ICOS: variants seen among roughly 807,000 people sequenced by gnomAD.
ICOS encodes inducible T cell costimulator.
ICOS carries 15 observed loss-of-function variants against 24.6 expected under a neutral mutation model. That is an observed-to-expected ratio of 0.61 (90% confidence interval 0.41 to 0.94). The LOEUF is 0.94. Ranked by LOEUF, ICOS falls within the 40% of genes least tolerant of loss-of-function variation. The pLI is 0.00. For missense variants in ICOS, 200 were observed against 233.0 expected (o/e 0.86, Z 0.92); for synonymous variants, 89 against 77.5 (o/e 1.15, Z -0.78).
At chr2:203,943,812 T>C (rs561367234) in intron 1 of ICOS, among the ~76,000 whole-genome samples, 5 of 152,184 alleles carry the variant, frequency 3.3e-5, no homozygotes, top group Non-Finnish European at 4.4e-5. Context: ...GGGCAGGTCT[T>C]GCTGTGGCTG....
At position 203,961,468 on chromosome 2, in the gene ICOS, A is replaced by C. The variant is rs931854904; in HGVS notation, c.*1869A>C. ...GACACCTCAAGATGAATAATAATTC[A>C]CAAAATTTCTGTGAAATCAAATCCA... On this transcript the variant is annotated 3_prime_UTR_variant, in exon 5 of 5. Transcript: ENST00000316386. 1.0e-4 allele frequency: 16 copies of C among 155,490 alleles called. No individual in the cohort carries two copies. The highest frequency in any genetic ancestry group is 3.8e-4 in the African/African-American group (16 of 41,562). The allele number at this position is 155,490 out of a possible 1,614,324, so 9.6% of individuals were successfully genotyped here.
chr2:203,937,476 T>C (rs1029887698), intron 1 of ICOS, among the ~76,000 whole-genome samples: 1 of 152,148 alleles, frequency 6.6e-6, no homozygotes, highest in African/African-American at 2.4e-5. Flanking sequence ...AGTCCCTGAT[T>C]CCTTCTCTTG....
chr2:203,957,540 AGAAT>A (rs771708324), intron 3 of ICOS, among the ~76,000 whole-genome samples: 15 of 152,224 alleles, frequency 9.9e-5, no homozygotes, highest in Non-Finnish European at 2.1e-4. Context: ...AAGAAGGAAG[AGAAT>A]GAGATAGCGC....
chr2:203,956,571 C>T, intron 2 of ICOS, 88 bp from the exon 3 acceptor site: 1 of 909,012 alleles, frequency 1.1e-6, no homozygotes, highest in South Asian at 1.3e-5. Context: ...AGAAAAGCTT[C>T]ATTTGATTAA....
chr2:203,954,818 C>T (rs559631620), intron 1 of ICOS, among the ~76,000 whole-genome samples: 7 of 149,876 alleles, frequency 4.7e-5, no homozygotes, highest in African/African-American at 1.7e-4. Flanking sequence ...TATACACACA[C>T]ATAGTCTCTA....
intron 3 of ICOS, 103 bp from the exon 4 acceptor site, chr2:203,957,696 T>G: frequency 1.2e-6 from 1 of 846,706 alleles, no homozygotes; most frequent in Non-Finnish European, 2.0e-6. Flanking sequence ...CACATTATCA[T>G]GTTTTTGTCA....
rs1490802387 is a variant in ICOS, at chr2:203,960,012, A to G, written c.*413A>G. ...GACCAGCATCTGTCCGCATTTCACTATCATACTACCTCTTCTTTCTGTAGG... is the reference window on the plus strand; with the variant it reads ...GACCAGCATCTGTCCGCATTTCACTGTCATACTACCTCTTCTTTCTGTAGG... On this transcript the variant is annotated 3_prime_UTR_variant, in exon 5 of 5. Coordinates refer to ENST00000316386, the MANE Select transcript of ICOS (RefSeq NM_012092.4). 17 of 328,552 alleles carry G rather than the reference A, an allele frequency of 5.2e-5. No individual in the cohort carries two copies. The highest frequency in any genetic ancestry group is 3.0e-5 in the Non-Finnish European group (5 of 168,262). The allele number at this position is 328,552 out of a possible 1,614,324, so 20.4% of individuals were successfully genotyped here.
chr2:203,937,496 T>C (rs574402123), intron 1 of ICOS, among the ~76,000 whole-genome samples: 3 of 152,302 alleles, frequency 2.0e-5, no homozygotes, highest in East Asian at 1.9e-4. Flanking sequence ...GAATGGCATA[T>C]AGCAGACTCT....
At chr2:203,944,086 A>G (rs1479636243) in intron 1 of ICOS, among the ~76,000 whole-genome samples, 1 of 152,152 alleles carries the variant, frequency 6.6e-6, no homozygotes, top group Admixed American at 6.5e-5. Context: ...TGTGAAAGAA[A>G]AGGGCTTTAG....
chr2:203,939,200 T>C (rs1283743354), intron 1 of ICOS, among the ~76,000 whole-genome samples: 1 of 152,238 alleles, frequency 6.6e-6, no homozygotes, highest in Admixed American at 6.5e-5. Context: ...GACTCCAACA[T>C]CTACATTCTT....
Position 203,960,554 on chromosome 2 carries a change from C to G in ICOS, c.*955C>G, listed in dbSNP as rs1486596126. 1 of 152,136 alleles carries G rather than the reference C, an allele frequency of 6.6e-6. No individual in the cohort carries two copies. The highest frequency in any genetic ancestry group is 1.5e-5 in the Non-Finnish European group (1 of 68,024). 9.4% of individuals were successfully genotyped at this position (152,136 alleles called of 1,614,324 possible). A position where few individuals can be genotyped will look rare whatever the true frequency, so the allele number is the denominator to read the frequency against. ...TATGTTTTCATGGTGCTATTAATTA[C>G]AAGTTTAGTTCTTTTTGTAGATCAT... On this transcript the variant is annotated 3_prime_UTR_variant, in exon 5 of 5. Coordinates refer to ENST00000316386, the MANE Select transcript of ICOS (RefSeq NM_012092.4).
chr2:203,948,261 A>T (rs1689907195), intron 1 of ICOS, among the ~76,000 whole-genome samples: 1 of 152,192 alleles, frequency 6.6e-6, no homozygotes, highest in African/African-American at 2.4e-5. Context: ...CCAGAAGAAA[A>T]GCAATAATAT....
chr2:203,956,567 G>C, intron 2 of ICOS, 92 bp from the exon 3 acceptor site: 1 of 885,034 alleles, frequency 1.1e-6, no homozygotes, highest in Admixed American at 1.7e-5. Context: ...ATAAAGAAAA[G>C]CTTCATTTGA....
Position 203,959,875 on chromosome 2 carries a change from T to A in ICOS, c.*276T>A. On this transcript the variant is annotated 3_prime_UTR_variant, in exon 5 of 5. Transcript: ENST00000316386. ...GTGCTCACTGGGAGTGGAATCCCTG[T>A]CTCCACATCTGCTCCTAGCAGTGCA... 1 of 550,602 alleles carries A rather than the reference T, an allele frequency of 1.8e-6. No individual in the cohort carries two copies. The highest frequency in any genetic ancestry group is 3.2e-5 in the East Asian group (1 of 31,548). 34.1% of individuals were successfully genotyped at this position (550,602 alleles called of 1,614,324 possible). A position where few individuals can be genotyped will look rare whatever the true frequency, so the allele number is the denominator to read the frequency against.
chr2:203,956,918 C>A lies in ICOS; in HGVS notation c.501+153C>A, dbSNP rs55768830. Reference sequence around the variant, plus strand: ...AGACATACCTACTAATTAAACTAATCACTTGGAACAGAAATTTATGTATTT... The same window carrying A: ...AGACATACCTACTAATTAAACTAATAACTTGGAACAGAAATTTATGTATTT... On this transcript the variant is annotated intron_variant, in intron 3 of 4. Coordinates refer to ENST00000316386, the MANE Select transcript of ICOS (RefSeq NM_012092.4). Among the ~76,000 whole-genome samples, 45 of 152,178 alleles carry A rather than the reference C, an allele frequency of 3.0e-4. No homozygotes were observed. In the East Asian group the frequency reaches 8.5e-3, roughly 29 times the overall value.
intron 1 of ICOS, among the ~76,000 whole-genome samples, chr2:203,937,431 AG>A (rs1182738169): frequency 6.6e-6 from 1 of 152,164 alleles, no homozygotes; most frequent in Non-Finnish European, 1.5e-5. Context: ...AATACTTCCT[AG>A]CCCCTGTAGA....
At chr2:203,956,926 A>T (rs1690087522) in intron 3 of ICOS, among the ~76,000 whole-genome samples, 161 bp downstream of exon 3, 1 of 152,168 alleles carries the variant, frequency 6.6e-6, no homozygotes, top group Admixed American at 6.6e-5. Flanking sequence ...ATCACTTGGA[A>T]CAGAAATTTA....
chr2:203,956,291 A>G (rs762582053), intron 2 of ICOS, among the ~76,000 whole-genome samples: 2 of 152,132 alleles, frequency 1.3e-5, no homozygotes, highest in Non-Finnish European at 2.9e-5. Flanking sequence ...AATAATGGGT[A>G]TTATCTCTAT....
chr2:203,949,295 ACT>A (rs1438946041), intron 1 of ICOS, among the ~76,000 whole-genome samples: 1 of 152,188 alleles, frequency 6.6e-6, no homozygotes, highest in Non-Finnish European at 1.5e-5. Context: ...GTTAGTGACC[ACT>A]GTCTAGCTTC....
Sources: gnomAD v4.1 joint callset for allele counts (sites outside exome capture counted in the v4.1 genomes callset) on GRCh38, gnomAD v4.1.1 for gene constraint, MANE v1.5 for transcripts, NCBI Gene and HGNC (gene_info 2026-07-23, HGNC 2026-07-21) for gene names.